Variants in KIAA0825 observed in about 807,000 individuals in gnomAD.
KIAA0825 encodes the protein KIAA0825, also known as uncharacterized protein KIAA0825.
A neutral mutation model predicts 147.6 loss-of-function variants in KIAA0825; 119 were observed. That is an observed-to-expected ratio of 0.81 (90% CI 0.69 to 0.94). The LOEUF is 0.94. Ranked by LOEUF, KIAA0825 falls within the 40% of genes least tolerant of loss-of-function variation. KIAA0825 has a pLI of 0.00. For synonymous variants in KIAA0825, 470 were observed against 518.1 expected (o/e 0.91, Z 1.26); for missense variants, 1,381 against 1,472.7 (o/e 0.94, Z 1.02).
chr5:94,331,835 CAAT>C (rs1184816418), intron 20 of KIAA0825, among the ~76,000 whole-genome samples: 2 of 151,970 alleles, frequency 1.3e-5, no homozygotes, highest in African/African-American at 2.4e-5. Context: ...TCATTAAAAA[CAAT>C]AAACACACAC....
At chr5:94,332,489 T>C (rs1037150557) in intron 20 of KIAA0825, among the ~76,000 whole-genome samples, 3 of 152,104 alleles carry the variant, frequency 2.0e-5, no homozygotes, top group African/African-American at 7.2e-5. Context: ...GGTTTTCTGT[T>C]CCTGTGTTAG....
At chr5:94,401,908 A>G (rs970301398) in intron 16 of KIAA0825, among the ~76,000 whole-genome samples, 5 of 152,180 alleles carry the variant, frequency 3.3e-5, no homozygotes, top group Non-Finnish European at 5.9e-5. Context: ...CACATTCTCT[A>G]TCTTATATTC....
At chr5:94,398,646 C>T (rs975528620) in intron 16 of KIAA0825, among the ~76,000 whole-genome samples, 3 of 151,940 alleles carry the variant, frequency 2.0e-5, no homozygotes, top group African/African-American at 7.3e-5. Flanking sequence ...TATTTGTATA[C>T]TCATGAATTG....
intron 20 of KIAA0825, among the ~76,000 whole-genome samples, chr5:94,329,861 T>C (rs554911632): frequency 2.6e-5 from 4 of 151,854 alleles, no homozygotes; most frequent in South Asian, 4.1e-4. Flanking sequence ...TTCTCACTTA[T>C]ATGTGGGAGC....
chr5:94,426,102 C>T (rs1754846232), intron 14 of KIAA0825, among the ~76,000 whole-genome samples: 1 of 151,264 alleles, frequency 6.6e-6, no homozygotes, highest in South Asian at 2.1e-4. Context: ...AATTCCTGGT[C>T]TCAAGCGATC....
intron 20 of KIAA0825, among the ~76,000 whole-genome samples, chr5:94,366,958 T>TA (rs1391346546): frequency 6.6e-6 from 1 of 152,160 alleles, no homozygotes; most frequent in Non-Finnish European, 1.5e-5. Context: ...TAGAACTTTA[T>TA]AAAAGAGGTA....
At chr5:94,360,901 C>A (rs1393498641) in intron 20 of KIAA0825, among the ~76,000 whole-genome samples, 5 of 152,172 alleles carry the variant, frequency 3.3e-5, no homozygotes, top group Non-Finnish European at 7.4e-5. Flanking sequence ...TGAATTCTTT[C>A]CTATGCAAGA....
chr5:94,411,957 A>C (rs902858919), intron 15 of KIAA0825, among the ~76,000 whole-genome samples: 1 of 152,172 alleles, frequency 6.6e-6, no homozygotes, highest in Non-Finnish European at 1.5e-5. Flanking sequence ...AAAAAAAAAA[A>C]AACTGATAAA....
intron 11 of KIAA0825, among the ~76,000 whole-genome samples, chr5:94,464,612 T>C (rs1760254029): frequency 6.6e-6 from 1 of 152,166 alleles, no homozygotes; most frequent in African/African-American, 2.4e-5. Flanking sequence ...ATATCCTAGA[T>C]TATAGGACAC....
At chr5:94,427,422 G>A (rs989591465) in intron 14 of KIAA0825, among the ~76,000 whole-genome samples, 2 of 152,082 alleles carry the variant, frequency 1.3e-5, no homozygotes, top group African/African-American at 2.4e-5. Context: ...TGAAGTCCTA[G>A]CTACTTTGGA....
chr5:94,493,954 A>G (rs1764035057), intron 5 of KIAA0825, among the ~76,000 whole-genome samples: 1 of 152,182 alleles, frequency 6.6e-6, no homozygotes, highest in African/African-American at 2.4e-5. Context: ...GCCCCACGTG[A>G]CAGGGAGGTT....
chr5:94,242,573 C>A (rs1775403078), intron 20 of KIAA0825, among the ~76,000 whole-genome samples: 1 of 151,814 alleles, frequency 6.6e-6, no homozygotes, highest in South Asian at 2.1e-4. Flanking sequence ...TACCTTCCTT[C>A]CTTCCTTTTT....
intron 20 of KIAA0825, among the ~76,000 whole-genome samples, chr5:94,350,169 G>A (rs1783488447): frequency 6.6e-6 from 1 of 151,998 alleles, no homozygotes; most frequent in Non-Finnish European, 1.5e-5. Flanking sequence ...ACATAAACTA[G>A]GAAACCTAGA....
intron 1 of KIAA0825, among the ~76,000 whole-genome samples, chr5:94,585,491 T>C (rs1783090094): frequency 6.6e-6 from 1 of 152,204 alleles, no homozygotes; most frequent in Admixed American, 6.5e-5. Context: ...AAGAGCTAAC[T>C]ATCCTAAACA....
At chr5:94,541,478 T>C (rs1773298393) in intron 2 of KIAA0825, among the ~76,000 whole-genome samples, 2 of 152,228 alleles carry the variant, frequency 1.3e-5, no homozygotes, top group Admixed American at 6.5e-5. Context: ...TGTTTTAAGT[T>C]AGATAAAATA....
intron 20 of KIAA0825, among the ~76,000 whole-genome samples, chr5:94,369,605 T>G (rs1746371280): frequency 6.6e-6 from 1 of 152,100 alleles, no homozygotes; most frequent in Non-Finnish European, 1.5e-5. Flanking sequence ...ACATCTGTCT[T>G]AAGAATTGCA....
At chr5:94,277,944 G>A (rs568599697) in intron 20 of KIAA0825, among the ~76,000 whole-genome samples, 4 of 152,242 alleles carry the variant, frequency 2.6e-5, no homozygotes, top group South Asian at 2.1e-4. Flanking sequence ...TAAAAAGGAC[G>A]AATTCATGTC....
At chr5:94,277,624 T>A (rs919028701) in intron 20 of KIAA0825, among the ~76,000 whole-genome samples, 10 of 152,138 alleles carry the variant, frequency 6.6e-5, no homozygotes, top group Non-Finnish European at 1.2e-4. Context: ...CTGGAGAGGA[T>A]GTGGAGAAAT....
chr5:94,405,539 A>G (rs1271029045), intron 15 of KIAA0825, among the ~76,000 whole-genome samples: 1 of 152,222 alleles, frequency 6.6e-6, no homozygotes, highest in Non-Finnish European at 1.5e-5. Flanking sequence ...ACAAAACATC[A>G]TTGAAAATCT....
Sources: allele counts gnomAD v4.1 joint callset (sites outside exome capture counted in the v4.1 genomes callset), GRCh38; gene constraint gnomAD v4.1.1; transcripts MANE v1.5; gene names NCBI Gene and HGNC (gene_info 2026-07-23, HGNC 2026-07-21).